GPR158: variants seen among roughly 807,000 people sequenced by gnomAD.
The protein encoded by GPR158 is metabotropic glycine receptor.
Under a neutral mutation model 78.2 loss-of-function variants are expected in GPR158, and 30 were observed. The ratio of observed to expected loss-of-function variants is 0.38; its 90% confidence interval spans 0.29 to 0.52. GPR158 has a LOEUF of 0.52. Among genes scored for constraint, GPR158 ranks in the 20% least tolerant of loss-of-function variants. The pLI, the probability that GPR158 is intolerant of heterozygous loss-of-function variation, is 0.83. For synonymous variants in GPR158, 581 were observed against 591.1 expected, an observed-to-expected ratio of 0.98 and a Z score of 0.25; for missense variants, 1,463 against 1,523.5, an observed-to-expected ratio of 0.96 and a Z score of 0.66.
intron 2 of GPR158, among the ~76,000 whole-genome samples, chr10:25,328,179 C>CAT (rs1855063350): frequency 2.1e-5 from 3 of 143,656 alleles, no homozygotes; most frequent in African/African-American, 8.9e-5. Context: ...AAGAGAAATA[C>CAT]ATAGATATAT....
intron 2 of GPR158, among the ~76,000 whole-genome samples, chr10:25,358,116 T>C (rs1855577790): frequency 6.6e-6 from 1 of 152,072 alleles, no homozygotes; most frequent in Non-Finnish European, 1.5e-5. Flanking sequence ...CCCTTTGTTT[T>C]TCCCAATGTC....
intron 2 of GPR158, among the ~76,000 whole-genome samples, chr10:25,247,237 C>A (rs1413323853): frequency 1.3e-5 from 2 of 151,948 alleles, no homozygotes; most frequent in Non-Finnish European, 2.9e-5. Context: ...TACCTTCAAA[C>A]CCTGAACTGA....
intron 2 of GPR158, among the ~76,000 whole-genome samples, chr10:25,361,749 A>T (rs563510923): frequency 2.0e-5 from 3 of 152,104 alleles, no homozygotes; most frequent in African/African-American, 7.2e-5. Context: ...CTTTGGAGAA[A>T]TGGCTATTCA....
At chr10:25,500,104 A>G (rs1400542025) in intron 5 of GPR158, among the ~76,000 whole-genome samples, 1 of 152,254 alleles carries the variant, frequency 6.6e-6, no homozygotes, top group Non-Finnish European at 1.5e-5. Flanking sequence ...TCACTTACAT[A>G]TGAACTTTTC....
intron 2 of GPR158, among the ~76,000 whole-genome samples, chr10:25,233,370 C>A (rs1217106495): frequency 6.6e-6 from 1 of 151,096 alleles, no homozygotes; most frequent in Non-Finnish European, 1.5e-5. Context: ...TTTATGCATG[C>A]AAAAGCAGTT....
intron 2 of GPR158, among the ~76,000 whole-genome samples, chr10:25,363,824 C>A (rs965044874): frequency 1.3e-5 from 2 of 151,802 alleles, no homozygotes; most frequent in African/African-American, 4.8e-5. Flanking sequence ...GGTTACATGA[C>A]CCTCAGGGTC....
intron 6 of GPR158, among the ~76,000 whole-genome samples, chr10:25,561,182 G>A (rs576850578): frequency 1.3e-5 from 2 of 152,194 alleles, no homozygotes; most frequent in Admixed American, 6.5e-5. Flanking sequence ...GCAACCATCT[G>A]TAATAAATTT....
At chr10:25,508,963 A>G (rs1478560596) in intron 5 of GPR158, among the ~76,000 whole-genome samples, 1 of 152,084 alleles carries the variant, frequency 6.6e-6, no homozygotes, top group Non-Finnish European at 1.5e-5. Flanking sequence ...AATTTCCTTC[A>G]CAAGTAGCTA....
At chr10:25,301,681 A>G (rs369344967) in intron 2 of GPR158, among the ~76,000 whole-genome samples, 2 of 125,424 alleles carry the variant, frequency 1.6e-5, no homozygotes, top group East Asian at 4.0e-4. Context: ...ATGTACTGCA[A>G]ATTGATACCT....
intron 4 of GPR158, among the ~76,000 whole-genome samples, chr10:25,419,549 G>A (rs1016215262): frequency 6.6e-6 from 1 of 152,060 alleles, no homozygotes; most frequent in Non-Finnish European, 1.5e-5. Context: ...TCTATGTTTA[G>A]TGATTTGAGG....
intron 4 of GPR158, among the ~76,000 whole-genome samples, chr10:25,448,392 A>T (rs1835168971): frequency 6.6e-6 from 1 of 152,122 alleles, no homozygotes. Context: ...GGCTGGCCGT[A>T]TCTGACTTCT....
chr10:25,344,827 TA>T (rs1366515494), intron 2 of GPR158, among the ~76,000 whole-genome samples: 1 of 151,968 alleles, frequency 6.6e-6, no homozygotes, highest in Non-Finnish European at 1.5e-5. Flanking sequence ...ATTTATTTCT[TA>T]CAGTTCTAGA....
Position 25,175,452 on chromosome 10 carries a change from G to A in GPR158, c.32G>A (p.Cys11Tyr), listed in dbSNP as rs1178261347. The A allele has an allele frequency of 6.2e-7, 1 of 1,600,012 alleles. No homozygotes were observed. Among genetic ancestry groups the A allele is most frequent in the East Asian group, 2.2e-5 (1 of 44,696 alleles). The change falls in exon 1 of 11, where the codon TGC becomes TAC. Residue 11 changes from cysteine to tyrosine, a missense_variant. By Grantham distance (194) the Cys-to-Tyr change is radical. Transcript: ENST00000376351. This position sits in a 1 kb window ranked among gnomAD's most constrained non-coding sequence, Gnocchi z 6.4. MGAMAYPLLL[C>Y]LLLAQLGLGA... Reference sequence around the variant, plus strand: ...GCCATGGCTTACCCCTTACTCCTCTGCCTCCTGCTTGCTCAGCTGGGATTG... The same window carrying A: ...GCCATGGCTTACCCCTTACTCCTCTACCTCCTGCTTGCTCAGCTGGGATTG...
At chr10:25,325,755 C>T (rs1009542089) in intron 2 of GPR158, among the ~76,000 whole-genome samples, 2 of 152,098 alleles carry the variant, frequency 1.3e-5, no homozygotes, top group Non-Finnish European at 2.9e-5. Flanking sequence ...CCCTTTTCTC[C>T]ACATCCTCAC....
intron 4 of GPR158, among the ~76,000 whole-genome samples, chr10:25,443,007 C>T (rs1395840311): frequency 6.6e-6 from 1 of 152,146 alleles, no homozygotes; most frequent in Non-Finnish European, 1.5e-5. Flanking sequence ...AAATCCTAAA[C>T]CACACTTAAA....
chr10:25,592,645 A>G (rs947743650), intron 8 of GPR158, among the ~76,000 whole-genome samples: 3 of 152,058 alleles, frequency 2.0e-5, no homozygotes, highest in African/African-American at 2.4e-5. Context: ...TTAAAGTTTC[A>G]CTATTTTAAA....
chr10:25,372,967 T>C (rs1834021264), intron 2 of GPR158, among the ~76,000 whole-genome samples: 1 of 151,976 alleles, frequency 6.6e-6, no homozygotes, highest in South Asian at 2.1e-4. Flanking sequence ...CCCAAAGGAA[T>C]ATAAATTGTC....
intron 1 of GPR158, among the ~76,000 whole-genome samples, chr10:25,211,659 T>G (rs1310289107): frequency 6.6e-6 from 1 of 152,138 alleles, no homozygotes. Flanking sequence ...GGGACACATT[T>G]AAGCCATAGC....
intron 4 of GPR158, among the ~76,000 whole-genome samples, chr10:25,459,557 A>C (rs1835331262): frequency 6.6e-6 from 1 of 152,194 alleles, no homozygotes; most frequent in Non-Finnish European, 1.5e-5. Flanking sequence ...GAGGCTAAAA[A>C]TGCTTAAAAA....
Sources: allele counts gnomAD v4.1 joint callset (sites outside exome capture counted in the v4.1 genomes callset), GRCh38; gene constraint gnomAD v4.1.1; non-coding constraint Gnocchi (gnomAD v3.1); transcripts MANE v1.5; gene names NCBI Gene and HGNC (gene_info 2026-07-23, HGNC 2026-07-21).